KCNQ3: variants seen among roughly 807,000 people sequenced by gnomAD.
The protein encoded by KCNQ3 is potassium voltage-gated channel subfamily KQT member 3.
In KCNQ3, 30 loss-of-function variants were observed where a neutral mutation model predicts 92.5. The observed-to-expected ratio is 0.32, with a 90% CI of 0.24 to 0.44. The LOEUF is 0.44. KCNQ3 is among the 20% of genes least tolerant of loss of function. The pLI is 1.00. For synonymous variants in KCNQ3, 450 were observed against 468.8 expected (o/e 0.96, Z 0.52); for missense variants, 913 against 1,140.3 (o/e 0.80, Z 2.87).
chr8:132,393,948 CTG>C (rs1820118363), intron 1 of KCNQ3, among the ~76,000 whole-genome samples: 1 of 152,234 alleles, frequency 6.6e-6, no homozygotes, highest in Non-Finnish European at 1.5e-5. Context: ...CTTCACTCAT[CTG>C]CCAGCCAGGG....
intron 1 of KCNQ3, among the ~76,000 whole-genome samples, chr8:132,305,290 T>C (rs1012197743): frequency 2.0e-5 from 3 of 152,214 alleles, no homozygotes; most frequent in African/African-American, 7.2e-5. Flanking sequence ...CAAATTGATG[T>C]AACCATAACT....
At position 132,123,330 on chromosome 8, in the gene KCNQ3, T is replaced by G. The variant is rs2436130; in HGVS notation, c.*5932A>C. On this transcript the variant is annotated 3_prime_UTR_variant, in exon 15 of 15. Transcript: ENST00000388996. The stretch of plus-strand genomic sequence containing the variant: ...GAGGTGGAGGGGAGGAGTGCCTGCA[T>G]GGCCATGGGATTGTTCTTCATTCCC... 0.21 allele frequency: 31,472 copies of G among 152,358 alleles called. 3,770 individuals are homozygous for G. The highest frequency in any genetic ancestry group is 0.31 in the Middle Eastern group (102 of 324). The allele number at this position is 152,358 out of a possible 1,614,324, so 9.4% of individuals were successfully genotyped here.
intron 1 of KCNQ3, among the ~76,000 whole-genome samples, chr8:132,432,355 C>CAAAAAAAAAAAAA (rs11411494): frequency 7.4e-6 from 1 of 134,452 alleles, no homozygotes; most frequent in Non-Finnish European, 1.6e-5. Context: ...ATGAATACGG[C>CAAAAAAAAAAAAA]AAAAAAAAAA....
intron 8 of KCNQ3, among the ~76,000 whole-genome samples, chr8:132,165,581 T>G (rs571016097): frequency 4.3e-4 from 65 of 152,274 alleles, no homozygotes; most frequent in African/African-American, 1.5e-3. Flanking sequence ...AGACAACCAC[T>G]CTCACACATT....
In KCNQ3 at chr8:132,198,860, T is replaced by C. The variant is rs190940765; in HGVS notation, c.387-12679A>G. 2.6e-5 allele frequency among the ~76,000 whole-genome samples: 4 copies of C among 152,288 alleles called. No individual in the cohort carries two copies. In the East Asian group the frequency reaches 7.7e-4, roughly 29 times the overall value. On this transcript the variant is annotated intron_variant, in intron 1 of 14. Transcript: ENST00000388996. The stretch of plus-strand genomic sequence containing the variant: ...AACGAATTAAGGTATCTCTGTTATC[T>C]TAATATTCCTTATTTCAGTCTTCTT...
chr8:132,393,871 T>C (rs13271444), intron 1 of KCNQ3, among the ~76,000 whole-genome samples: 127,278 of 152,128 alleles, frequency 0.84, 53,550 homozygotes, highest in Middle Eastern at 0.94. Flanking sequence ...TTGCATGCTC[T>C]ATGAAAATGC....
chr8:132,182,058 A>C (rs1167722114), intron 3 of KCNQ3, among the ~76,000 whole-genome samples: 2 of 147,580 alleles, frequency 1.4e-5, no homozygotes, highest in Non-Finnish European at 3.0e-5. Flanking sequence ...AAAAAAAAAA[A>C]CCATAAAAAA....
At chr8:132,452,852 T>C (rs1175663134) in intron 1 of KCNQ3, among the ~76,000 whole-genome samples, 1 of 152,178 alleles carries the variant, frequency 6.6e-6, no homozygotes, top group Non-Finnish European at 1.5e-5. Context: ...GGCCCCAAGC[T>C]GGGAGCTGGG....
At chr8:132,247,467 A>C (rs902544433) in intron 1 of KCNQ3, among the ~76,000 whole-genome samples, 9 of 152,132 alleles carry the variant, frequency 5.9e-5, no homozygotes, top group African/African-American at 2.2e-4. Flanking sequence ...TTGTTTGCTA[A>C]AAGGGCAAGA....
chr8:132,232,408 G>A (rs1032663108), intron 1 of KCNQ3, among the ~76,000 whole-genome samples: 11 of 152,304 alleles, frequency 7.2e-5, no homozygotes, highest in African/African-American at 2.6e-4. Context: ...ATAATTTTAT[G>A]CTTTCTTTTC....
chr8:132,364,288 T>G (rs1323492751), intron 1 of KCNQ3, among the ~76,000 whole-genome samples: 1 of 152,144 alleles, frequency 6.6e-6, no homozygotes, highest in African/African-American at 2.4e-5. Flanking sequence ...TTACTTTCAG[T>G]GGGGGTAGGG....
chr8:132,234,882 C>CCTGGG (rs1326813566), intron 1 of KCNQ3, among the ~76,000 whole-genome samples: 1 of 152,156 alleles, frequency 6.6e-6, no homozygotes, highest in Admixed American at 6.5e-5. Flanking sequence ...TCCAATATTC[C>CCTGGG]CTGGGCTGCT....
At chr8:132,186,365 A>G (rs944888127) in intron 1 of KCNQ3, among the ~76,000 whole-genome samples, 184 bp from the exon 2 acceptor site, 2 of 152,242 alleles carry the variant, frequency 1.3e-5, no homozygotes, top group African/African-American at 4.8e-5. Context: ...CAATCATCCC[A>G]GTTAAATAAA....
intron 1 of KCNQ3, among the ~76,000 whole-genome samples, chr8:132,434,222 AAAAAAT>A (rs1354015608): frequency 1.5e-5 from 2 of 136,542 alleles, no homozygotes; most frequent in African/African-American, 2.8e-5. Flanking sequence ...AAAAAAAAAA[AAAAAAT>A]AATAATAATA....
chr8:132,233,415 C>T (rs1250482717), intron 1 of KCNQ3, among the ~76,000 whole-genome samples: 1 of 152,170 alleles, frequency 6.6e-6, no homozygotes, highest in Non-Finnish European at 1.5e-5. Flanking sequence ...TGCTAAATCC[C>T]AAGTTGACCT....
chr8:132,445,779 C>T (rs1821661737), intron 1 of KCNQ3, among the ~76,000 whole-genome samples: 1 of 151,820 alleles, frequency 6.6e-6, no homozygotes, highest in South Asian at 2.1e-4. Flanking sequence ...ACAACTACCC[C>T]ATTTCACAGA....
At chr8:132,148,976 C>T (rs117859444) in intron 9 of KCNQ3, among the ~76,000 whole-genome samples, 4,419 of 152,290 alleles carry the variant, frequency 0.029, 118 homozygotes, top group South Asian at 0.08. Flanking sequence ...TTATAAACCT[C>T]GCTATATTCC....
chr8:132,360,642 G>A (rs1819139262), intron 1 of KCNQ3, among the ~76,000 whole-genome samples: 1 of 152,162 alleles, frequency 6.6e-6, no homozygotes, highest in Non-Finnish European at 1.5e-5. Flanking sequence ...GCTGCTAGCT[G>A]TGCTTCCAGG....
chr8:132,250,495 T>C (rs931685046), intron 1 of KCNQ3, among the ~76,000 whole-genome samples: 8 of 151,668 alleles, frequency 5.3e-5, no homozygotes, highest in Non-Finnish European at 7.4e-5. Flanking sequence ...GGTCATAATG[T>C]ATTTTAAATA....
Sources: gnomAD v4.1 joint callset for allele counts (sites outside exome capture counted in the v4.1 genomes callset) on GRCh38, gnomAD v4.1.1 for gene constraint, MANE v1.5 for transcripts, NCBI Gene and HGNC (gene_info 2026-07-23, HGNC 2026-07-21) for gene names.